Variants in COL24A1 observed in about 807,000 individuals in gnomAD.
The protein encoded by COL24A1 is collagen type XXIV alpha 1 chain, also known as collagen alpha-1(XXIV) chain.
In COL24A1, 224 loss-of-function variants were observed where a neutral mutation model predicts 253.9. The observed-to-expected ratio is 0.88, with a 90% CI of 0.79 to 0.99. The LOEUF is 0.99. COL24A1 is among the 50% of genes least tolerant of loss of function. COL24A1 has a pLI of 0.00. For missense variants in COL24A1, 2,131 were observed against 2,068.5 expected (o/e 1.03, Z -0.59); for synonymous variants, 685 against 673.7 (o/e 1.02, Z -0.26).
intron 43 of COL24A1, among the ~76,000 whole-genome samples, chr1:85,832,082 C>T (rs552345890): frequency 6.6e-6 from 1 of 151,908 alleles, no homozygotes; most frequent in Non-Finnish European, 1.5e-5. Flanking sequence ...AGTCTTTAAT[C>T]CATCTTGAAT....
intron 8 of COL24A1, among the ~76,000 whole-genome samples, chr1:86,059,926 G>C (rs1373163743): frequency 6.6e-6 from 1 of 152,062 alleles, no homozygotes; most frequent in African/African-American, 2.4e-5. Flanking sequence ...GAACCTAACC[G>C]GGCTGGCATG....
intron 39 of COL24A1, among the ~76,000 whole-genome samples, chr1:85,842,745 G>A (rs893542392): frequency 6.6e-6 from 1 of 152,116 alleles, no homozygotes; most frequent in Non-Finnish European, 1.5e-5. Context: ...CTGAATATTA[G>A]AGAGTGCAAC....
At chr1:85,879,791 G>A (rs1681613064) in intron 32 of COL24A1, among the ~76,000 whole-genome samples, 3 of 152,162 alleles carry the variant, frequency 2.0e-5, no homozygotes, top group Non-Finnish European at 4.4e-5. Context: ...AAGAAGGGAA[G>A]GGGTTGTTCT....
intron 19 of COL24A1, among the ~76,000 whole-genome samples, chr1:86,016,707 C>T (rs1423254006): frequency 6.6e-6 from 1 of 152,086 alleles, no homozygotes. Context: ...AAACCAAAGT[C>T]AAAAATTTTA....
chr1:86,048,578 C>T (rs1487457919), intron 11 of COL24A1, among the ~76,000 whole-genome samples: 1 of 151,798 alleles, frequency 6.6e-6, no homozygotes, highest in Non-Finnish European at 1.5e-5. Flanking sequence ...GCAAGCTCCA[C>T]CTCCCAGGCT....
At chr1:85,819,476 G>T (rs1172060626) in intron 45 of COL24A1, among the ~76,000 whole-genome samples, 1 of 151,506 alleles carries the variant, frequency 6.6e-6, no homozygotes, top group African/African-American at 2.4e-5. Context: ...CTTTTCCTTG[G>T]CTTTTGAATT....
In COL24A1 at chr1:85,909,802, G is replaced by T. The variant is rs1685189488; in HGVS notation, c.2670+148C>A. On this transcript the variant is annotated intron_variant, in intron 26 of 59. Transcript: ENST00000370571. ...GTACCTTAGTATCACATAGCATTCT[G>T]GGAGATAAACCATTTAAAAATAAAA... 2.1e-5 allele frequency: 15 copies of T among 715,812 alleles called. No homozygotes were observed. In the South Asian group the frequency reaches 2.2e-4, roughly 11 times the overall value. 44.3% of individuals were successfully genotyped at this position (715,812 alleles called of 1,614,324 possible).
At chr1:85,866,373 C>T (rs1679795720) in intron 37 of COL24A1, among the ~76,000 whole-genome samples, 1 of 152,048 alleles carries the variant, frequency 6.6e-6, no homozygotes, top group Non-Finnish European at 1.5e-5. Flanking sequence ...TAAGTTTTTT[C>T]CCAGTTGTAA....
rs145683647 is a variant in COL24A1, at chr1:85,955,568, C to T, written c.2562+5681G>A. ...GTGGGATTGGAGCCCCAAAATGCTA[C>T]GCACTACCTGCCTGTCTGCATGCTT... On this transcript the variant is annotated intron_variant, in intron 24 of 59. Transcript: ENST00000370571. 1.7e-3 allele frequency among the ~76,000 whole-genome samples: 251 copies of T among 151,130 alleles called. 2 individuals carry two copies. The Middle Eastern group carries it at 0.034, about 20-fold the overall frequency.
At chr1:85,966,545 T>G (rs1691589745) in intron 22 of COL24A1, among the ~76,000 whole-genome samples, 1 of 152,102 alleles carries the variant, frequency 6.6e-6, no homozygotes, top group African/African-American at 2.4e-5. Flanking sequence ...AGGCCAATCT[T>G]TGGGGTACTC....
chr1:86,144,493 T>C (rs1190120325), intron 2 of COL24A1, among the ~76,000 whole-genome samples: 1 of 152,150 alleles, frequency 6.6e-6, no homozygotes, highest in African/African-American at 2.4e-5. Flanking sequence ...AAGCTGTAGG[T>C]GAGCCACTTC....
rs930309229 is a variant in COL24A1, at chr1:85,909,980, T to A, written c.2640A>T (p.Pro880=). ...GEKGERGSPG[P]LGPQGEKGVM... The stretch of plus-strand genomic sequence containing the variant: ...CACCTTTTTCTCCCTGCGGACCTAG[T>A]GGGCCTGGACTTCCACGTTCTCCCT... Residue 880 remains proline (P), a synonymous_variant, in exon 26 of 60, where the codon CCA becomes CCT. Transcript: ENST00000370571. 4.3e-6 allele frequency: 7 copies of A among 1,610,246 alleles called. No homozygotes were observed. Among genetic ancestry groups the A allele is most frequent in the Non-Finnish European group, 5.9e-6 (7 of 1,177,050 alleles).
intron 2 of COL24A1, among the ~76,000 whole-genome samples, chr1:86,144,207 A>G (rs1651551639): frequency 6.6e-6 from 1 of 152,136 alleles, no homozygotes; most frequent in Non-Finnish European, 1.5e-5. Context: ...AAATAAAATA[A>G]CATATTTTAC....
chr1:86,005,548 C>T (rs1354372011), intron 19 of COL24A1, among the ~76,000 whole-genome samples: 1 of 151,972 alleles, frequency 6.6e-6, no homozygotes. Flanking sequence ...AATAAACATA[C>T]TCCATATGGA....
At chr1:86,048,030 C>G (rs1035038907) in intron 11 of COL24A1, among the ~76,000 whole-genome samples, 5 of 152,104 alleles carry the variant, frequency 3.3e-5, no homozygotes, top group Non-Finnish European at 7.4e-5. Context: ...CAAGAGGACT[C>G]ATTTCATTAA....
intron 10 of COL24A1, among the ~76,000 whole-genome samples, chr1:86,052,589 G>A (rs772809520): frequency 2.0e-5 from 3 of 151,966 alleles, no homozygotes; most frequent in Non-Finnish European, 2.9e-5. Context: ...AGTGGAGAAC[G>A]GGGAATTGTT....
chr1:86,024,597 G>A lies in COL24A1; in HGVS notation c.2050-1590C>T, dbSNP rs116571050. ...GTTTAATCCTGAAATATATAACACC[G>A]TTAGAGGCAAAGGGTAATACTTTCC... On this transcript the variant is annotated intron_variant, in intron 14 of 59. Coordinates refer to ENST00000370571, the MANE Select transcript of COL24A1 (RefSeq NM_152890.7). Among the ~76,000 whole-genome samples the A allele has an allele frequency of 1.4e-3, 217 of 152,192 alleles. 1 individual carries two copies. The highest frequency in any genetic ancestry group is 0.011 in the East Asian group (55 of 5,184).
At chr1:85,754,399 AG>A (rs1365833279) in intron 55 of COL24A1, among the ~76,000 whole-genome samples, 35 of 84,088 alleles carry the variant, frequency 4.2e-4, no homozygotes, top group African/African-American at 1.6e-3. Context: ...GGGTCGGGGG[AG>A]GGGGGAGGGA....
At position 85,896,369 on chromosome 1, in the gene COL24A1, A is replaced by G. The variant is rs760698217; in HGVS notation, c.2819T>C (p.Ile940Thr). 5.0e-6 allele frequency: 8 copies of G among 1,613,342 alleles called. No homozygotes were observed. The highest frequency in any genetic ancestry group is 1.6e-4 in the Middle Eastern group (1 of 6,084). The change falls in exon 29 of 60, where the codon ATA (isoleucine) becomes ACA (threonine). Residue 940 changes from isoleucine (I) to threonine (T), a missense_variant. Physicochemically the swap from Ile to Thr is moderately conservative, Grantham distance 89 (BLOSUM62 -1). Transcript: ENST00000370571. The part of the protein sequence containing the change: ...GPDGLLGEQG[I>T]QGAKGEKGDQ... ...ATCAATGATTACCTTGGCACCTTGT[A>G]TACCTTGTTCCCCTAAGAGACCATC...
Sources: gnomAD v4.1 joint callset for allele counts (sites outside exome capture counted in the v4.1 genomes callset) on GRCh38, gnomAD v4.1.1 for gene constraint, MANE v1.5 for transcripts, NCBI Gene and HGNC (gene_info 2026-07-23, HGNC 2026-07-21) for gene names.